The following NOSTRIN variants were observed in gnomAD, a reference collection of about 807,000 sequenced individuals.
NOSTRIN encodes the protein nitric oxide synthase trafficking, also known as BM247 homolog.
In NOSTRIN, 63 loss-of-function variants were observed where a neutral mutation model predicts 59.0. The observed-to-expected ratio is 1.07, with a 90% CI of 0.87 to 1.32. NOSTRIN has a LOEUF of 1.32. Among genes scored for constraint, NOSTRIN ranks in the 40% most tolerant of loss-of-function variants. The pLI is 0.00. For missense variants in NOSTRIN, 512 were observed against 473.1 expected (o/e 1.08, Z -0.76); for synonymous variants, 200 against 165.4 (o/e 1.21, Z -1.61).
At chr2:168,827,793 T>G (rs1687134705) in intron 3 of NOSTRIN, among the ~76,000 whole-genome samples, 1 of 151,934 alleles carries the variant, frequency 6.6e-6, no homozygotes, top group South Asian at 2.1e-4. Flanking sequence ...AGGCTAGTTT[T>G]GAACCTGTGG....
chr2:168,841,235 C>CAAAAAAAAAAAAAAAAAAAAA (rs57480764), intron 7 of NOSTRIN, among the ~76,000 whole-genome samples: 2 of 106,588 alleles, frequency 1.9e-5, no homozygotes, highest in African/African-American at 7.0e-5. Context: ...ACCCTGTCTC[C>CAAAAAAAAAAAAAAAAAAAAA]AAAAAAAAAA....
chr2:168,804,729 G>T (rs1272471367), intron 1 of NOSTRIN, among the ~76,000 whole-genome samples: 2 of 152,080 alleles, frequency 1.3e-5, no homozygotes, highest in African/African-American at 4.8e-5. Context: ...ATGTACCCAT[G>T]TATGGAACTC....
intron 8 of NOSTRIN, among the ~76,000 whole-genome samples, chr2:168,847,639 C>A (rs368976491): frequency 6.6e-6 from 1 of 152,236 alleles, no homozygotes; most frequent in African/African-American, 2.4e-5. Flanking sequence ...GGGCCCCAGA[C>A]AGGCTCTAAA....
Position 168,859,506 on chromosome 2 carries a change from C to A in NOSTRIN, c.1054-6C>A. 1.2e-6 allele frequency: 2 copies of A among 1,613,778 alleles called. No individual in the cohort carries two copies. Among genetic ancestry groups the A allele is most frequent in the South Asian group, 2.2e-5 (2 of 91,002 alleles). On this transcript the variant is annotated splice_region_variant and splice_polypyrimidine_tract_variant and intron_variant, in intron 12 of 15. Transcript: ENST00000317647. ...TTGCTCACATGGCCAAATGATGTAT[C>A]CACAGAACAATTTGAAACTAGACCT...
intron 15 of NOSTRIN, chr2:168,863,740 G>C: frequency 2.5e-6 from 2 of 807,710 alleles, no homozygotes; most frequent in Non-Finnish European, 3.0e-6. Context: ...CTTAAGAAAA[G>C]ACTGTTGGTG....
At position 168,860,782 on chromosome 2, in the gene NOSTRIN, G is replaced by A; in HGVS notation, c.1180-13G>A. The A allele has an allele frequency of 6.7e-7, 1 of 1,482,934 alleles. No individual in the cohort carries two copies. The highest frequency in any genetic ancestry group is 1.4e-5 in the African/African-American group (1 of 72,294). The allele number at this position is 1,482,934 out of a possible 1,614,324, so 91.9% of individuals were successfully genotyped here. A position where few individuals can be genotyped will look rare whatever the true frequency, so the allele number is the denominator to read the frequency against. ...CGTGTTACAAAATATGACTTTTTAT[G>A]TCATTTGAACAGGAGCATACTCATA... On this transcript the variant is annotated splice_polypyrimidine_tract_variant and intron_variant, in intron 13 of 15. Transcript: ENST00000317647.
At chr2:168,827,666 C>T (rs1266519470) in intron 3 of NOSTRIN, among the ~76,000 whole-genome samples, 1 of 151,972 alleles carries the variant, frequency 6.6e-6, no homozygotes, top group Admixed American at 6.6e-5. Flanking sequence ...TTCCTGGGCT[C>T]AAGCAATCCT....
chr2:168,788,936 T>TA (rs60336209), intron 2 of NOSTRIN, among the ~76,000 whole-genome samples: 20 of 145,540 alleles, frequency 1.4e-4, no homozygotes, highest in South Asian at 9.1e-4. Context: ...GATAGATAGA[T>TA]GATAGATATT....
intron 1 of NOSTRIN, among the ~76,000 whole-genome samples, chr2:168,807,026 T>C (rs1014362096): frequency 6.6e-6 from 1 of 152,242 alleles, no homozygotes; most frequent in South Asian, 2.1e-4. Flanking sequence ...ACCTAACATT[T>C]CTAATCACAA....
chr2:168,803,847 T>C lies in NOSTRIN; in HGVS notation c.27+1174T>C, dbSNP rs140448868. Among the ~76,000 whole-genome samples the C allele has an allele frequency of 3.0e-3, 458 of 152,364 alleles. 2 individuals carry two copies. The highest frequency in any genetic ancestry group is 0.01 in the African/African-American group (423 of 41,594). ...TCCATTGTTAATTGTGAATAATTTT[T>C]AAGAAGTCTTTTATCATTTATTTTT... On this transcript the variant is annotated intron_variant, in intron 1 of 15. Transcript: ENST00000317647.
At chr2:168,803,816 G>C (rs903550133) in intron 1 of NOSTRIN, among the ~76,000 whole-genome samples, 2 of 152,258 alleles carry the variant, frequency 1.3e-5, no homozygotes, top group Admixed American at 1.3e-4. Flanking sequence ...CAATCTCAGT[G>C]TTCTCTCCAT....
chr2:168,819,894 C>T (rs189236725), intron 2 of NOSTRIN, among the ~76,000 whole-genome samples: 1 of 152,256 alleles, frequency 6.6e-6, no homozygotes, highest in Admixed American at 6.5e-5. Flanking sequence ...TTGCCAGACC[C>T]TCAACATCCC....
chr2:168,818,551 A>G (rs540661449), intron 2 of NOSTRIN, among the ~76,000 whole-genome samples: 1 of 152,358 alleles, frequency 6.6e-6, no homozygotes, highest in South Asian at 2.1e-4. Flanking sequence ...CAAAAGCAGG[A>G]TAGTCTAATA....
At chr2:168,828,247 C>T (rs1012003006) in intron 4 of NOSTRIN, 27 bp downstream of exon 4, 1 of 872,904 alleles carries the variant, frequency 1.1e-6, no homozygotes, top group Admixed American at 1.7e-5. Flanking sequence ...TGGCCTTTCT[C>T]CAACTCCAAA....
intron 7 of NOSTRIN, among the ~76,000 whole-genome samples, 176 bp downstream of exon 7, chr2:168,834,501 G>GCACACACA (rs1425272036): frequency 1.1e-3 from 124 of 110,726 alleles, no homozygotes; most frequent in African/African-American, 3.8e-3. Context: ...GCGCGCGCGC[G>GCACACACA]CGCGCGCACA....
rs574506653 is a variant in NOSTRIN, at chr2:168,812,702, G to C, written c.113+1050G>C. Among the ~76,000 whole-genome samples the C allele has an allele frequency of 1.2e-4, 19 of 152,234 alleles. No homozygotes were observed. In the South Asian group the frequency reaches 3.7e-3, roughly 30 times the overall value. ...GGAAAATGTGGGAAGGTAAATATAC[G>C]GGAAGAGTAAAGTCTGCTCCTAGAT... On this transcript the variant is annotated intron_variant, in intron 2 of 15. Transcript: ENST00000317647.
intron 10 of NOSTRIN, among the ~76,000 whole-genome samples, chr2:168,852,251 G>T (rs1688811861): frequency 6.6e-6 from 1 of 152,062 alleles, no homozygotes. Flanking sequence ...TATTTTTCAT[G>T]GTCCCTTCTC....
chr2:168,864,435 G>A (rs192459913), intron 15 of NOSTRIN, among the ~76,000 whole-genome samples: 60 of 151,992 alleles, frequency 3.9e-4, no homozygotes, highest in African/African-American at 1.2e-3. Context: ...ACAGGCGTGC[G>A]CCACCACACC....
chr2:168,853,401 GCCAT>G (rs1688887856), intron 10 of NOSTRIN, among the ~76,000 whole-genome samples: 1 of 152,176 alleles, frequency 6.6e-6, no homozygotes, highest in Non-Finnish European at 1.5e-5. Flanking sequence ...TACCATAAAT[GCCAT>G]GTTCAAAAGA....
Sources: allele counts gnomAD v4.1 joint callset (sites outside exome capture counted in the v4.1 genomes callset), GRCh38; gene constraint gnomAD v4.1.1; transcripts MANE v1.5; gene names NCBI Gene and HGNC (gene_info 2026-07-23, HGNC 2026-07-21).